The following DICER1 variants were observed in gnomAD, a reference collection of about 807,000 sequenced individuals.
DICER1 encodes endoribonuclease Dicer.
DICER1 carries 43 observed loss-of-function variants against 194.1 expected under a neutral mutation model. The observed-to-expected ratio is 0.22, with a 90% CI of 0.17 to 0.29. DICER1 has a LOEUF of 0.29. DICER1 is among the 10% of genes least tolerant of loss of function. DICER1 has a pLI of 1.00. For missense variants in DICER1, 1,608 were observed against 2,317.0 expected, an observed-to-expected ratio of 0.69 and a Z score of 6.28; for synonymous variants, 832 against 820.5, an observed-to-expected ratio of 1.01 and a Z score of -0.24.
In DICER1 at chr14:95,093,922, A is replaced by T. The variant is rs780545199; in HGVS notation, c.5330T>A (p.Leu1777His). The T allele has an allele frequency of 3.1e-6, 5 of 1,614,054 alleles. No individual in the cohort carries two copies. The Admixed American group carries it at 6.7e-5, about 22-fold the overall frequency. The change falls in exon 24 of 27, where the codon CTT (leucine) becomes CAT (histidine). Residue 1777 changes from leucine (L) to histidine (H), a missense_variant. By Grantham distance (99) the Leu-to-His change is moderately conservative (BLOSUM62 -3). This residue lies in a region of DICER1 where 138 missense variants were observed against 298.3 expected (regional missense o/e 0.46). Coordinates refer to ENST00000343455, the MANE Select transcript of DICER1 (RefSeq NM_177438.3). ...CATTCCTTGCATTTCATTCTTCTCA[A>T]GCTGAAACTGCACAAAGTCATCAAT... ...HVIDDFVQFQLEKNEMQGMDS... is the reference protein window; with the variant it reads ...HVIDDFVQFQHEKNEMQGMDS...
chr14:95,093,588 A>G (rs1454076176), intron 24 of DICER1, among the ~76,000 whole-genome samples: 2 of 152,208 alleles, frequency 1.3e-5, no homozygotes. Context: ...AGTGGAGGCC[A>G]CTTCTTTGGC....
chr14:95,148,490 A>G (rs1279773212), intron 1 of DICER1, among the ~76,000 whole-genome samples: 1 of 152,240 alleles, frequency 6.6e-6, no homozygotes, highest in East Asian at 1.9e-4. Flanking sequence ...AGTACCTACA[A>G]TTTAAACCAC....
chr14:95,100,073 C>T, intron 21 of DICER1, 138 bp from the exon 22 acceptor site: 3 of 930,170 alleles, frequency 3.2e-6, no homozygotes, highest in Non-Finnish European at 4.7e-6. Context: ...TATAAGGGCT[C>T]TACAGTTTTT....
intron 4 of DICER1, 140 bp from the exon 5 acceptor site, chr14:95,130,332 T>G (rs1893849737): frequency 5.2e-6 from 4 of 770,200 alleles, no homozygotes; most frequent in Non-Finnish European, 8.5e-6. Flanking sequence ...AAATACTAAA[T>G]ACATATAATT....
At chr14:95,132,994 G>C (rs542805443) in intron 2 of DICER1, among the ~76,000 whole-genome samples, 1 of 152,308 alleles carries the variant, frequency 6.6e-6, no homozygotes, top group Admixed American at 6.5e-5. Context: ...GGTTCTGCCA[G>C]TTCATGGCTG....
At chr14:95,117,570 T>C (rs1892586057) in intron 9 of DICER1, 52 bp downstream of exon 9, 1 of 1,600,592 alleles carries the variant, frequency 6.2e-7, no homozygotes, top group East Asian at 2.2e-5. Context: ...GGGCACTTTG[T>C]CTGTATATGT....
At chr14:95,139,412 G>C (rs1894682528) in intron 1 of DICER1, among the ~76,000 whole-genome samples, 1 of 152,196 alleles carries the variant, frequency 6.6e-6, no homozygotes, top group Non-Finnish European at 1.5e-5. Flanking sequence ...CAGGTTGTTA[G>C]AATGAAAACA....
intron 1 of DICER1, chr14:95,141,331 T>C (rs1466993839): frequency 1.3e-5 from 2 of 152,250 alleles, no homozygotes; most frequent in Admixed American, 6.5e-5. Flanking sequence ...TTAATGTTAA[T>C]GTCGGGCATA....
Position 95,105,040 on chromosome 14 carries a change from G to T in DICER1, c.3269+31C>A. 1 of 1,604,984 alleles carries T rather than the reference G, an allele frequency of 6.2e-7. No homozygotes were observed. The highest frequency in any genetic ancestry group is 8.5e-7 in the Non-Finnish European group (1 of 1,172,704). On this transcript the variant is annotated intron_variant, in intron 20 of 26. Transcript: ENST00000343455. This position sits in a 1 kb window ranked among gnomAD's most constrained non-coding sequence, Gnocchi z 4.9. ...TTTTGCAAACAGGATCTCATGATCT[G>T]TGTTCTTTCTGGCTGACTGCACAGG...
rs1595465765 is a variant in DICER1 at position 95,132,514 on chromosome 14, C to T, written c.307+1G>A. On this transcript the variant is annotated splice_donor_variant, in intron 3 of 26. Coordinates refer to ENST00000343455, the MANE Select transcript of DICER1 (RefSeq NM_177438.3). LOFTEE classifies it high-confidence loss of function. ...AACTTGATAAAATAATTTTTTATTA[C>T]CAGAGTTGACCAAGAACACCGTCCT... 6.2e-7 allele frequency: 1 copy of T among 1,613,778 alleles called. No individual in the cohort carries two copies. Among genetic ancestry groups the T allele is most frequent in the Non-Finnish European group, 8.5e-7 (1 of 1,179,830 alleles).
intron 21 of DICER1, among the ~76,000 whole-genome samples, chr14:95,102,157 A>G (rs947960785): frequency 6.6e-6 from 1 of 152,146 alleles, no homozygotes; most frequent in Admixed American, 6.5e-5. Flanking sequence ...GTGCAGAGTA[A>G]GCACTTTTAA....
chr14:95,130,637 C>T (rs1387437604), intron 4 of DICER1, among the ~76,000 whole-genome samples: 3 of 152,194 alleles, frequency 2.0e-5, no homozygotes, highest in Non-Finnish European at 2.9e-5. Context: ...TTAATGAGGA[C>T]TTATCCCAGT....
At chr14:95,115,876 C>T (rs2140115792) in intron 10 of DICER1, 55 bp from the exon 11 acceptor site, 1 of 1,554,758 alleles carries the variant, frequency 6.4e-7, no homozygotes, top group East Asian at 2.2e-5. Context: ...CTGCTGTATG[C>T]TGTCTGCCTC....
At chr14:95,137,307 A>AAAAGGGAAAGGGGAAGAGG (rs1566821353) in intron 1 of DICER1, among the ~76,000 whole-genome samples, 2 of 145,198 alleles carry the variant, frequency 1.4e-5, no homozygotes, top group Non-Finnish European at 3.0e-5. Context: ...AAGAAAAAGG[A>AAAAGGGAAAGGGGAAGAGG]AAAGGGAAAG....
chr14:95,103,415 G>A lies in DICER1; in HGVS notation c.3981C>T (p.Ile1327=), dbSNP rs1212847580. Residue 1327 remains isoleucine, a synonymous_variant, in exon 21 of 27, where the codon ATC becomes ATT. Transcript: ENST00000343455. ...MLGDSFLKHA[I]TTYLFCTYPD... ...GGTAAGTGCAAAATAGATATGTGGT[G>A]ATGGCATGCTTTAAAAAGGAGTCGC... The A allele has an allele frequency of 6.2e-7, 1 of 1,614,088 alleles. No homozygotes were observed. The highest frequency in any genetic ancestry group is 1.3e-5 in the African/African-American group (1 of 74,934).
rs148025111 is a variant in DICER1 at position 95,089,068 on chromosome 14, A to G, written c.*1430T>C. ...ACAGTGCAAAAAAAAAAAAATTAAAATTTCAAGCATAATACATAAACATAG... is the reference window on the plus strand; with the variant it reads ...ACAGTGCAAAAAAAAAAAAATTAAAGTTTCAAGCATAATACATAAACATAG... On this transcript the variant is annotated 3_prime_UTR_variant, in exon 27 of 27. Transcript: ENST00000343455. The G allele has an allele frequency of 1.5e-4, 35 of 233,566 alleles. No individual in the cohort carries two copies. The highest frequency in any genetic ancestry group is 7.7e-4 in the African/African-American group (35 of 45,460). 14.5% of individuals were successfully genotyped at this position (233,566 alleles called of 1,614,324 possible). A position where few individuals can be genotyped will look rare whatever the true frequency, so the allele number is the denominator to read the frequency against.
chr14:95,108,706 C>T (rs1343977282), intron 14 of DICER1, among the ~76,000 whole-genome samples: 1 of 152,132 alleles, frequency 6.6e-6, no homozygotes, highest in Non-Finnish European at 1.5e-5. Flanking sequence ...TGACGGTGGC[C>T]CAAGTTCACA....
intron 26 of DICER1, 58 bp from the exon 27 acceptor site, chr14:95,090,721 A>G (rs1281785380): frequency 3.1e-6 from 5 of 1,597,386 alleles, no homozygotes; most frequent in Middle Eastern, 1.7e-4. Context: ...ATCATTGTCA[A>G]TCAGCATTTA....
At chr14:95,146,455 GC>G (rs1895141167) in intron 1 of DICER1, among the ~76,000 whole-genome samples, 1 of 152,188 alleles carries the variant, frequency 6.6e-6, no homozygotes, top group African/African-American at 2.4e-5. Flanking sequence ...CCAGGACCCA[GC>G]CACACTGGGG....
Sources: gnomAD v4.1 joint callset for allele counts (sites outside exome capture counted in the v4.1 genomes callset) on GRCh38, gnomAD v4.1.1 for gene constraint, gnomAD v4.1.1 regional missense constraint, Gnocchi (gnomAD v3.1) non-coding constraint, MANE v1.5 for transcripts, NCBI Gene and HGNC (gene_info 2026-07-23, HGNC 2026-07-21) for gene names.